Variants in NIPBL observed in about 807,000 individuals in gnomAD.
The protein encoded by NIPBL is nipped-B-like protein.
In NIPBL, 19 loss-of-function variants were observed where a neutral mutation model predicts 321.8. That is an observed-to-expected ratio of 0.06 (90% CI 0.04 to 0.09). The LOEUF is 0.09. NIPBL is among the 10% of genes least tolerant of loss of function. The probability of loss-of-function intolerance (pLI) is 1.00; values close to 1 mark genes in which losing one functional copy is unlikely to be tolerated. For synonymous variants in NIPBL, 1,106 were observed against 1,114.1 expected (o/e 0.99, Z 0.14); for missense variants, 2,210 against 3,327.0 (o/e 0.66, Z 8.26).
In NIPBL at chr5:37,065,432, A is replaced by G. The variant is rs1414796746; in HGVS notation, c.*540A>G. On this transcript the variant is annotated 3_prime_UTR_variant, in exon 47 of 47. Coordinates refer to ENST00000282516, the MANE Select transcript of NIPBL (RefSeq NM_133433.4). ...GATGTATTAGGTCACCCTGAAAACAATACAAGAAAAGGGATCCCCAGGTAA... is the reference window on the plus strand; with the variant it reads ...GATGTATTAGGTCACCCTGAAAACAGTACAAGAAAAGGGATCCCCAGGTAA... The G allele has an allele frequency of 6.5e-6, 1 of 152,972 alleles. No homozygotes were observed. Among genetic ancestry groups the G allele is most frequent in the Non-Finnish European group, 1.5e-5 (1 of 68,320 alleles). 9.5% of individuals were successfully genotyped at this position (152,972 alleles called of 1,614,324 possible).
intron 1 of NIPBL, among the ~76,000 whole-genome samples, chr5:36,903,211 G>A (rs1747369751): frequency 6.6e-6 from 1 of 152,106 alleles, no homozygotes; most frequent in Admixed American, 6.6e-5. Flanking sequence ...TATCATCTAT[G>A]AGGAAAGATA....
intron 25 of NIPBL, among the ~76,000 whole-genome samples, chr5:37,020,106 T>G (rs935723724): frequency 6.6e-6 from 1 of 152,186 alleles, no homozygotes; most frequent in Admixed American, 6.5e-5. Context: ...CTTCAGCATT[T>G]TATCAATTTG....
chr5:36,997,600 T>C (rs1233462563), intron 11 of NIPBL, among the ~76,000 whole-genome samples: 1 of 152,182 alleles, frequency 6.6e-6, no homozygotes, highest in Non-Finnish European at 1.5e-5. Flanking sequence ...TTAAAGAACC[T>C]AAGCTTCACA....
intron 40 of NIPBL, among the ~76,000 whole-genome samples, chr5:37,049,931 T>C (rs1753353685): frequency 6.6e-6 from 1 of 152,158 alleles, no homozygotes; most frequent in African/African-American, 2.4e-5. Flanking sequence ...TTTTGGGTAT[T>C]TTTCATGGAA....
Position 37,030,611 on chromosome 5 carries a change from TTTG to T in NIPBL, c.5862+3211_5862+3213del, listed in dbSNP as rs767358550. On this transcript the variant is annotated intron_variant, in intron 32 of 46. Coordinates refer to ENST00000282516, the MANE Select transcript of NIPBL (RefSeq NM_133433.4). Reference sequence around the variant, plus strand: ...TTATTTTTGGATTGGGTTTTTGGGGTTTGTTGTTGTTGTTTGTTTTTTGTAGAT... The same window carrying T: ...TTATTTTTGGATTGGGTTTTTGGGGTTTGTTGTTGTTTGTTTTTTGTAGAT... Among the ~76,000 whole-genome samples, 26 of 151,960 alleles carry T rather than the reference TTTG, an allele frequency of 1.7e-4. 1 individual carries two copies. The highest frequency in any genetic ancestry group is 1.4e-3 in the East Asian group (7 of 5,184).
intron 29 of NIPBL, among the ~76,000 whole-genome samples, chr5:37,023,750 C>CTTTTTTTTTTTT (rs779595045): frequency 9.2e-5 from 7 of 75,826 alleles, no homozygotes; most frequent in Non-Finnish European, 1.6e-4. Context: ...TTTTCTTATT[C>CTTTTTTTTTTTT]TTTTTTTTTT....
rs1476163530 is a variant in NIPBL at position 37,061,024 on chromosome 5, T to C, written c.7860+6T>C. ...TAGTAAAACAGTATCTAGATGTGAG[T>C]AGTAAAACCAAAAGTTTTTACTTCT... On this transcript the variant is annotated splice_donor_region_variant and intron_variant, in intron 45 of 46. Transcript: ENST00000282516. 6.2e-7 allele frequency: 1 copy of C among 1,613,136 alleles called. No individual in the cohort carries two copies. Among genetic ancestry groups the C allele is most frequent in the Non-Finnish European group, 8.5e-7 (1 of 1,179,360 alleles).
chr5:37,037,698 C>A (rs1579529308), intron 33 of NIPBL, among the ~76,000 whole-genome samples: 1 of 138,752 alleles, frequency 7.2e-6, no homozygotes, highest in South Asian at 2.4e-4. Flanking sequence ...TTTTATTTTT[C>A]CCCATCCTGG....
rs939384985 is a variant in NIPBL, at chr5:36,927,073, C to T, written c.-79-26545C>T. On this transcript the variant is annotated intron_variant, in intron 1 of 46. Transcript: ENST00000282516. ...ACTTTTTCCTATAAATATGTATATT[C>T]TCCCTCTAATATTTGCTTTATGATT... is the stretch of plus-strand genomic sequence containing the variant. Among the ~76,000 whole-genome samples, 16 of 152,234 alleles carry T rather than the reference C, an allele frequency of 1.1e-4. No homozygotes were observed. In the East Asian group the frequency reaches 3.1e-3, roughly 29 times the overall value.
intron 33 of NIPBL, among the ~76,000 whole-genome samples, chr5:37,037,384 T>C (rs2149719356): frequency 6.8e-6 from 1 of 147,760 alleles, no homozygotes; most frequent in African/African-American, 2.5e-5. Flanking sequence ...GGAGACTCCG[T>C]CTCAAAAAAT....
In NIPBL at chr5:37,002,652, G is replaced by A. The variant is rs200744764; in HGVS notation, c.3665-10G>A. ...AACTTTGTTTGTGTTTGTTTGGCTT[G>A]ATTTTGCAGGTGATGATGATGAAAT... On this transcript the variant is annotated splice_polypyrimidine_tract_variant and intron_variant, in intron 14 of 46. Coordinates refer to ENST00000282516, the MANE Select transcript of NIPBL (RefSeq NM_133433.4). 52 of 1,561,216 alleles carry A rather than the reference G, an allele frequency of 3.3e-5. No individual in the cohort carries two copies. In the African/African-American group the frequency reaches 6.8e-4, roughly 20 times the overall value.
At chr5:36,877,898 CTTG>C (rs1178390079) in intron 1 of NIPBL, among the ~76,000 whole-genome samples, 14 of 152,144 alleles carry the variant, frequency 9.2e-5, no homozygotes, top group Non-Finnish European at 1.9e-4. Flanking sequence ...GAGCTTTTAT[CTTG>C]TTGTTTTGAC....
intron 27 of NIPBL, among the ~76,000 whole-genome samples, chr5:37,021,232 G>A (rs1020354626): frequency 6.6e-6 from 1 of 152,166 alleles, no homozygotes; most frequent in African/African-American, 2.4e-5. Context: ...CTGGGAGGTG[G>A]AAGTTGCAGT....
rs1182996352 is a variant in NIPBL, at chr5:37,060,937, A to G, written c.7779A>G (p.Thr2593=). The change falls in exon 45 of 47, where the codon ACA becomes ACG. Residue 2593 remains threonine, a synonymous_variant. Transcript: ENST00000282516. The stretch of plus-strand genomic sequence containing the variant: ...GAGTTCATTTTCATCCAAAACAAAC[A>G]CTGGACTTCCTGCGGAGTGACATGG... ...KTGVHFHPKQ[T]LDFLRSDMAN... 2 of 1,614,040 alleles carry G rather than the reference A, an allele frequency of 1.2e-6. No homozygotes were observed. Among genetic ancestry groups the G allele is most frequent in the Non-Finnish European group, 1.7e-6 (2 of 1,180,004 alleles).
chr5:36,898,513 T>TC (rs1343870178), intron 1 of NIPBL, among the ~76,000 whole-genome samples: 1 of 146,784 alleles, frequency 6.8e-6, no homozygotes, highest in Admixed American at 6.8e-5. Context: ...TCTGATTCCT[T>TC]TTTTTTTTTT....
At chr5:36,942,413 C>A (rs1371299326) in intron 1 of NIPBL, among the ~76,000 whole-genome samples, 1 of 110,136 alleles carries the variant, frequency 9.1e-6, no homozygotes, top group South Asian at 3.0e-4. Flanking sequence ...GCCTGGGTGA[C>A]AGAGTGAGAC....
chr5:37,027,464 T>C (rs1750417810), intron 32 of NIPBL, 52 bp downstream of exon 32: 2 of 1,382,512 alleles, frequency 1.4e-6, no homozygotes, highest in African/African-American at 2.9e-5. Context: ...GTTAGTTTTT[T>C]GTTGTTGGTG....
At chr5:37,011,035 A>G (rs1433860678) in intron 21 of NIPBL, among the ~76,000 whole-genome samples, 4 of 152,218 alleles carry the variant, frequency 2.6e-5, no homozygotes, top group African/African-American at 9.6e-5. Context: ...ATAGGATTAT[A>G]ATTAACATTA....
At chr5:36,998,487 A>G (rs149428873) in intron 11 of NIPBL, among the ~76,000 whole-genome samples, 82 of 152,306 alleles carry the variant, frequency 5.4e-4, no homozygotes, top group African/African-American at 1.9e-3. Context: ...ATTAAAATGT[A>G]CAAAGACTAA....
Sources: allele counts gnomAD v4.1 joint callset (sites outside exome capture counted in the v4.1 genomes callset), GRCh38; gene constraint gnomAD v4.1.1; transcripts MANE v1.5; gene names NCBI Gene and HGNC (gene_info 2026-07-23, HGNC 2026-07-21).